The following TBC1D8 variants were observed in gnomAD, a reference collection of about 807,000 sequenced individuals.
The protein encoded by TBC1D8 is TBC1 domain family member 8, also known as BUB2-like protein 1.
A neutral mutation model predicts 118.8 loss-of-function variants in TBC1D8; 65 were observed. The ratio of observed to expected loss-of-function variants is 0.55; its 90% CI spans 0.45 to 0.67. The LOEUF (loss-of-function observed/expected upper bound fraction) is 0.67. Among genes scored for constraint, TBC1D8 ranks in the 30% least tolerant of loss-of-function variants. The pLI is 0.00. For synonymous variants in TBC1D8, 566 were observed against 595.8 expected (o/e 0.95, Z 0.73); for missense variants, 1,376 against 1,471.2 (o/e 0.94, Z 1.06).
At position 101,053,965 on chromosome 2, in the gene TBC1D8, A is replaced by G. The variant is rs75325413; in HGVS notation, c.631+143T>C. 23 of 716,608 alleles carry G rather than the reference A, an allele frequency of 3.2e-5. No homozygotes were observed. In the East Asian group the frequency reaches 5.2e-4, roughly 16 times the overall value. 44.4% of individuals were successfully genotyped at this position (716,608 alleles called of 1,614,324 possible). A position where few individuals can be genotyped will look rare whatever the true frequency, so the allele number is the denominator to read the frequency against. On this transcript the variant is annotated intron_variant, in intron 4 of 19. Coordinates refer to ENST00000409318, the MANE Select transcript of TBC1D8 (RefSeq NM_001330348.2). ...TAATCCCCTGCTAGCAGTAGCATAT[A>G]TAAGTAATCAAGTGTCACCTGGTGT... is the stretch of plus-strand genomic sequence containing the variant.
intron 1 of TBC1D8, among the ~76,000 whole-genome samples, chr2:101,105,228 A>C (rs1468098112): frequency 6.6e-6 from 1 of 152,162 alleles, no homozygotes; most frequent in Non-Finnish European, 1.5e-5. Context: ...AAGTACTTGC[A>C]AAACACGTCT....
intron 17 of TBC1D8, among the ~76,000 whole-genome samples, chr2:101,017,051 T>C (rs544378154): frequency 1.7e-3 from 250 of 149,822 alleles, no homozygotes; most frequent in African/African-American, 5.8e-3. Flanking sequence ...ATTGTGCACA[T>C]GTACCCTAAA....
At chr2:101,129,083 T>C (rs1678472104) in intron 1 of TBC1D8, among the ~76,000 whole-genome samples, 2 of 152,268 alleles carry the variant, frequency 1.3e-5, no homozygotes, top group Non-Finnish European at 2.9e-5. Flanking sequence ...ATGGTTAAGA[T>C]GGTAAATTTT....
chr2:101,033,601 A>T lies in TBC1D8; in HGVS notation c.1761T>A (p.Ala587=). The T allele has an allele frequency of 6.2e-7, 1 of 1,613,882 alleles. No individual in the cohort carries two copies. The highest frequency in any genetic ancestry group is 1.1e-5 in the South Asian group (1 of 91,060). Residue 587 remains alanine (A), a synonymous_variant, in exon 10 of 20, where the codon GCT becomes GCA. Transcript: ENST00000409318. Reference sequence around the variant, plus strand: ...CATAGGCCGTCAAGACTCTCCTCAAAGCAGCAATTCCCGTTTCGTTCTGGA... The same window carrying T: ...CATAGGCCGTCAAGACTCTCCTCAATGCAGCAATTCCCGTTTCGTTCTGGA... ...PAFQNETGIA[A]LRRVLTAYAH...
intron 17 of TBC1D8, among the ~76,000 whole-genome samples, chr2:101,020,969 T>C (rs1679996161): frequency 6.6e-6 from 1 of 152,166 alleles, no homozygotes; most frequent in Non-Finnish European, 1.5e-5. Flanking sequence ...GGGGGGGTTC[T>C]TGGGACATAT....
chr2:101,009,846 G>T (rs1395859255), intron 19 of TBC1D8, among the ~76,000 whole-genome samples: 3 of 148,446 alleles, frequency 2.0e-5, no homozygotes. Context: ...TTTTGAGATG[G>T]AGTCTCGCTC....
intron 9 of TBC1D8, among the ~76,000 whole-genome samples, chr2:101,034,511 C>T (rs1680880654): frequency 6.6e-6 from 1 of 152,238 alleles, no homozygotes; most frequent in Non-Finnish European, 1.5e-5. Context: ...GCCCAGAAAA[C>T]TCCTGTGCCA....
Position 101,029,647 on chromosome 2 carries a change from C to T in TBC1D8, c.2066G>A (p.Ser689Asn). The change falls in exon 12 of 20, where the codon AGC becomes AAC. Residue 689 changes from serine (S) to asparagine (N), a missense_variant. Ser to Asn is a conservative substitution (Grantham distance 46, BLOSUM62 1). Coordinates refer to ENST00000409318, the MANE Select transcript of TBC1D8 (RefSeq NM_001330348.2). ...SLSWFLTLFL[S>N]IMPLESAVNV... Reference sequence around the variant, plus strand: ...CACCGCACTCTCTAGAGGCATGATGCTGAGGAACAGGGTCAGGAACCACGA... The same window carrying T: ...CACCGCACTCTCTAGAGGCATGATGTTGAGGAACAGGGTCAGGAACCACGA... The T allele has an allele frequency of 6.2e-7, 1 of 1,614,020 alleles. No individual in the cohort carries two copies. Among genetic ancestry groups the T allele is most frequent in the Non-Finnish European group, 8.5e-7 (1 of 1,179,900 alleles).
At chr2:101,147,485 C>G (rs532791802) in intron 1 of TBC1D8, among the ~76,000 whole-genome samples, 107 of 152,226 alleles carry the variant, frequency 7.0e-4, no homozygotes, top group African/African-American at 2.3e-3. Context: ...TTTCCTTTGT[C>G]TTTTCAATAA....
At chr2:101,037,832 G>C in intron 7 of TBC1D8, 124 bp from the exon 8 acceptor site, 1 of 1,213,614 alleles carries the variant, frequency 8.2e-7, no homozygotes, top group South Asian at 1.3e-5. Flanking sequence ...ATGACTCAGG[G>C]GGAAGACAGA....
intron 18 of TBC1D8, 164 bp downstream of exon 18, chr2:101,011,287 C>G: frequency 1.3e-6 from 1 of 756,138 alleles, no homozygotes; most frequent in Non-Finnish European, 2.1e-6. Flanking sequence ...GCAACACCCC[C>G]ACTAGGAGCA....
chr2:101,105,805 T>G (rs1472065113), intron 1 of TBC1D8, among the ~76,000 whole-genome samples: 1 of 152,128 alleles, frequency 6.6e-6, no homozygotes, highest in Non-Finnish European at 1.5e-5. Flanking sequence ...GATAACTTGA[T>G]AGTTCTGTAC....
chr2:101,096,595 A>G (rs1173595225), intron 1 of TBC1D8, among the ~76,000 whole-genome samples: 1 of 152,162 alleles, frequency 6.6e-6, no homozygotes, highest in African/African-American at 2.4e-5. Flanking sequence ...ATATGCAAGA[A>G]CAGATGGGTA....
intron 18 of TBC1D8, 155 bp from the exon 19 acceptor site, chr2:101,011,181 GTGGGTGGTAAC>G: frequency 1.3e-6 from 1 of 761,482 alleles, no homozygotes. Context: ...TGGAGAGCCA[GTGGGTGGTAAC>G]TGGGGGACTT....
In TBC1D8 at chr2:101,037,591, G is replaced by T. The variant is rs1463737761; in HGVS notation, c.1393C>A (p.Pro465Thr). ...SEKEKSPLMH[P>T]DALVTAFQQS... Reference sequence around the variant, plus strand: ...TGGAAGGCGGTGACCAGGGCATCGGGGTGCATCAGCGGGCTCTTCTCTTTC... The same window carrying T: ...TGGAAGGCGGTGACCAGGGCATCGGTGTGCATCAGCGGGCTCTTCTCTTTC... The change falls in exon 8 of 20, where the codon CCC (proline) becomes ACC (threonine). Residue 465 changes from proline to threonine, a missense_variant. By Grantham distance (38) the Pro-to-Thr change is conservative (BLOSUM62 -1). Coordinates refer to ENST00000409318, the MANE Select transcript of TBC1D8 (RefSeq NM_001330348.2). 9.9e-6 allele frequency: 16 copies of T among 1,613,320 alleles called. No individual in the cohort carries two copies. The highest frequency in any genetic ancestry group is 1.4e-5 in the Non-Finnish European group (16 of 1,179,894).
At chr2:101,101,743 T>C (rs928132975) in intron 1 of TBC1D8, among the ~76,000 whole-genome samples, 2 of 152,182 alleles carry the variant, frequency 1.3e-5, no homozygotes, top group Non-Finnish European at 2.9e-5. Flanking sequence ...TCATGTCCTT[T>C]GCAGGGATAG....
chr2:101,149,937 CT>C (rs1308283834), intron 1 of TBC1D8, among the ~76,000 whole-genome samples: 1 of 152,230 alleles, frequency 6.6e-6, no homozygotes, highest in Non-Finnish European at 1.5e-5. Flanking sequence ...GTCCAGAATC[CT>C]AACTACACTC....
At chr2:101,137,474 G>A (rs184559244) in intron 1 of TBC1D8, among the ~76,000 whole-genome samples, 2,804 of 151,950 alleles carry the variant, frequency 0.018, 49 homozygotes, top group Middle Eastern at 0.048. Context: ...CACCACACCC[G>A]GCAAATTTTT....
chr2:101,021,347 T>G (rs1680017524), intron 17 of TBC1D8, among the ~76,000 whole-genome samples: 1 of 152,080 alleles, frequency 6.6e-6, no homozygotes, highest in Non-Finnish European at 1.5e-5. Flanking sequence ...AAATAACTAT[T>G]AAGGTAATGA....
Sources: allele counts gnomAD v4.1 joint callset (sites outside exome capture counted in the v4.1 genomes callset), GRCh38; gene constraint gnomAD v4.1.1; transcripts MANE v1.5; gene names NCBI Gene and HGNC (gene_info 2026-07-23, HGNC 2026-07-21).